Variants in NAV1 observed in about 807,000 individuals in gnomAD.
The protein encoded by NAV1 is pore membrane and/or filament interacting like protein 3.
In NAV1, 18 loss-of-function variants were observed where a neutral mutation model predicts 175.2. That is an observed-to-expected ratio of 0.10 (90% CI 0.07 to 0.15). The LOEUF (loss-of-function observed/expected upper bound fraction) is 0.15, where lower values mean the gene tolerates loss of function less well. Ranked by LOEUF, NAV1 falls within the 10% of genes least tolerant of loss-of-function variation. NAV1 has a pLI of 1.00. For missense variants in NAV1, 1,731 were observed against 2,436.6 expected (o/e 0.71, Z 6.10); for synonymous variants, 897 against 978.7 (o/e 0.92, Z 1.56).
intron 2 of NAV1, among the ~76,000 whole-genome samples, chr1:201,637,214 G>C (rs993962929): frequency 6.6e-6 from 1 of 152,162 alleles, no homozygotes; most frequent in African/African-American, 2.4e-5. Context: ...TAGTAAGAAG[G>C]CCAGGTTTCT....
At chr1:201,693,696 G>A (rs1433297556) in intron 1 of NAV1, among the ~76,000 whole-genome samples, 1 of 152,056 alleles carries the variant, frequency 6.6e-6, no homozygotes, top group Admixed American at 6.5e-5. Flanking sequence ...CAGCAGGGAC[G>A]GTCTTTTAGA....
intron 3 of NAV1, among the ~76,000 whole-genome samples, chr1:201,771,523 C>A (rs1009448191): frequency 2.1e-4 from 29 of 137,576 alleles, no homozygotes; most frequent in African/African-American, 6.7e-4. Context: ...AAAAAAAAAA[C>A]TGGTGAACTG....
At chr1:201,559,202 A>C (rs964671760) in intron 1 of NAV1, among the ~76,000 whole-genome samples, 16 of 152,040 alleles carry the variant, frequency 1.1e-4, no homozygotes, top group Non-Finnish European at 2.1e-4. Flanking sequence ...TCCCCTCTGT[A>C]AATTGGGGGT....
intron 1 of NAV1, among the ~76,000 whole-genome samples, chr1:201,577,570 C>A (rs540382908): frequency 6.7e-6 from 1 of 150,214 alleles, no homozygotes; most frequent in African/African-American, 2.4e-5. Flanking sequence ...TACTTTTGCA[C>A]CTTTGTCAAA....
At chr1:201,783,607 A>G in exon 7 of NAV1, 1 of 1,614,122 alleles carries the variant, frequency 6.2e-7, no homozygotes, top group African/African-American at 1.3e-5. Flanking sequence ...ATATTAACTC[A>G]GCCAGCTTCT....
At chr1:201,770,327 G>C (rs1675493414) in intron 3 of NAV1, among the ~76,000 whole-genome samples, 1 of 152,148 alleles carries the variant, frequency 6.6e-6, no homozygotes, top group Non-Finnish European at 1.5e-5. Context: ...GCATCAGAGT[G>C]TTCCTTAGAC....
intron 1 of NAV1, among the ~76,000 whole-genome samples, chr1:201,555,803 G>A (rs1250297976): frequency 6.7e-6 from 1 of 150,192 alleles, no homozygotes; most frequent in African/African-American, 2.5e-5. Context: ...GAGGGGCAGT[G>A]GGGATTCGGG....
chr1:201,737,380 G>C (rs1673160270), intron 3 of NAV1: 1 of 152,188 alleles, frequency 6.6e-6, no homozygotes, highest in East Asian at 1.9e-4. Flanking sequence ...GTTGGGTTCT[G>C]GCAGCTCAGG....
chr1:201,718,264 G>T lies in NAV1; in HGVS notation c.861-126G>T. 1.0e-6 allele frequency: 1 copy of T among 991,936 alleles called. No homozygotes were observed. Among genetic ancestry groups the T allele is most frequent in the Non-Finnish European group, 1.4e-6 (1 of 716,110 alleles). The allele number at this position is 991,936 out of a possible 1,614,324, so 61.4% of individuals were successfully genotyped here. On this transcript the variant is annotated intron_variant, in intron 2 of 29. Transcript: ENST00000367296. The surrounding 1 kb of genome is among the most constrained non-coding windows in gnomAD (Gnocchi z 4.8). ...AGGCCTCATGGAGGAGGTGGAGCTTGGGCAGGTGGGGAGGAGGTGACAGGG... is the reference window on the plus strand; with the variant it reads ...AGGCCTCATGGAGGAGGTGGAGCTTTGGCAGGTGGGGAGGAGGTGACAGGG...
At chr1:201,666,444 T>C (rs182444669) in intron 1 of NAV1, among the ~76,000 whole-genome samples, 102 of 152,156 alleles carry the variant, frequency 6.7e-4, no homozygotes, top group Admixed American at 1.3e-3. Context: ...TGGGGGATGG[T>C]TTATGAGGGC....
rs748608268 is a variant in NAV1 at position 201,718,374 on chromosome 1, T to A, written c.861-16T>A. 3.9e-6 allele frequency: 6 copies of A among 1,523,096 alleles called. No homozygotes were observed. The highest frequency in any genetic ancestry group is 5.3e-6 in the Non-Finnish European group (6 of 1,131,836). The allele number at this position is 1,523,096 out of a possible 1,614,324, so 94.3% of individuals were successfully genotyped here. A position where few individuals can be genotyped will look rare whatever the true frequency, so the allele number is the denominator to read the frequency against. ...CTGTGCCAAGGACTAAGTAGTGCCT[T>A]CTGCTCTCCACCCAGCTCCCTGGAG... On this transcript the variant is annotated splice_polypyrimidine_tract_variant and intron_variant, in intron 2 of 29. Coordinates refer to ENST00000367296, the Ensembl canonical transcript of NAV1. The surrounding 1 kb of genome is among the most constrained non-coding windows in gnomAD (Gnocchi z 4.8).
chr1:201,668,646 T>C (rs1044287030), intron 1 of NAV1, among the ~76,000 whole-genome samples: 4 of 152,130 alleles, frequency 2.6e-5, no homozygotes, highest in Non-Finnish European at 5.9e-5. Context: ...CCCACCCCAC[T>C]GCTTGGAAGG....
At chr1:201,712,251 A>G (rs1671937427) in intron 1 of NAV1, among the ~76,000 whole-genome samples, 1 of 152,208 alleles carries the variant, frequency 6.6e-6, no homozygotes, top group African/African-American at 2.4e-5. Context: ...GCCAGCTTGT[A>G]CCAGTTCCCC....
intron 1 of NAV1, among the ~76,000 whole-genome samples, chr1:201,668,530 G>A (rs1360839524): frequency 6.6e-6 from 1 of 152,014 alleles, no homozygotes; most frequent in African/African-American, 2.4e-5. Context: ...CCTCCCCATG[G>A]TCTCAGCACC....
chr1:201,789,357 T>A (rs1482395163), intron 10 of NAV1, among the ~76,000 whole-genome samples: 6 of 152,188 alleles, frequency 3.9e-5, no homozygotes, highest in Non-Finnish European at 5.9e-5. Flanking sequence ...GCGGGCAGAA[T>A]TTCAGTATTT....
chr1:201,723,746 T>C (rs1245815151), intron 3 of NAV1: 1 of 152,236 alleles, frequency 6.6e-6, no homozygotes, highest in African/African-American at 2.4e-5. Context: ...TTGGCTTGCA[T>C]AGGCACAGTG....
chr1:201,582,693 G>T (rs1288940857), intron 1 of NAV1, among the ~76,000 whole-genome samples: 1 of 152,246 alleles, frequency 6.6e-6, no homozygotes, highest in Non-Finnish European at 1.5e-5. Context: ...ATTCTGCAGT[G>T]TCTGGTATCT....
At position 201,808,936 on chromosome 1, in the gene NAV1, C is replaced by A; in HGVS notation, c.4207+65C>A. 6.5e-7 allele frequency: 1 copy of A among 1,545,880 alleles called. No individual in the cohort carries two copies. Among genetic ancestry groups the A allele is most frequent in the Non-Finnish European group, 8.8e-7 (1 of 1,140,274 alleles). On this transcript the variant is annotated intron_variant, in intron 20 of 29. Transcript: ENST00000367296. The surrounding 1 kb of genome is among the most constrained non-coding windows in gnomAD (Gnocchi z 5.5). ...GAAAAGGGCTTATTTCACTGTTACA[C>A]CATTCCACTTGCTTTGGTCAGGGCG...
At chr1:201,550,537 A>G (rs1277121541) in intron 1 of NAV1, among the ~76,000 whole-genome samples, 1 of 152,244 alleles carries the variant, frequency 6.6e-6, no homozygotes, top group Non-Finnish European at 1.5e-5. Context: ...TAAATTGGCT[A>G]TTTCTTGGTA....
Sources: gnomAD v4.1 joint callset for allele counts (sites outside exome capture counted in the v4.1 genomes callset) on GRCh38, gnomAD v4.1.1 for gene constraint, Gnocchi (gnomAD v3.1) non-coding constraint, MANE v1.5 for transcripts, NCBI Gene and HGNC (gene_info 2026-07-23, HGNC 2026-07-21) for gene names.